Variants in MAP3K20 observed in about 807,000 individuals in gnomAD.
MAP3K20 encodes the protein HCCS-4.
In MAP3K20, 40 loss-of-function variants were observed where a neutral mutation model predicts 85.7. The observed-to-expected ratio is 0.47, with a 90% CI of 0.36 to 0.61. MAP3K20 has a LOEUF of 0.61. Among genes scored for constraint, MAP3K20 ranks in the 20% least tolerant of loss-of-function variants. The probability of loss-of-function intolerance (pLI) is 0.00; values close to 1 mark genes in which losing one functional copy is unlikely to be tolerated. For missense variants in MAP3K20, 817 were observed against 961.7 expected (o/e 0.85, Z 1.99); for synonymous variants, 325 against 327.7 (o/e 0.99, Z 0.09).
intron 3 of MAP3K20, 147 bp downstream of exon 3, chr2:173,170,039 C>A: frequency 1.4e-6 from 1 of 699,204 alleles, no homozygotes; most frequent in South Asian, 1.7e-5. Flanking sequence ...ATTAATAAAA[C>A]TGATTATATC....
chr2:173,076,151 C>T (rs1686849570), intron 1 of MAP3K20, 149 bp downstream of exon 1: 8 of 512,130 alleles, frequency 1.6e-5, no homozygotes, highest in Middle Eastern at 1.0e-3. Context: ...GCTCCCCTCC[C>T]CGACCCAGGG....
chr2:173,242,837 GC>G (rs763456681), intron 16 of MAP3K20, among the ~76,000 whole-genome samples: 103 of 150,768 alleles, frequency 6.8e-4, no homozygotes, highest in Middle Eastern at 6.8e-3. Flanking sequence ...CTCCTGAGTA[GC>G]TGGGATTATA....
intron 2 of MAP3K20, among the ~76,000 whole-genome samples, chr2:173,110,223 ATATATATATATATATATATTTTTTTTT>A (rs1246418089): frequency 0.012 from 108 of 9,280 alleles, 1 homozygote; most frequent in African/African-American, 0.037. Flanking sequence ...ATATATATAT[ATATATATATATATATATATTTTTTTTT>A]TTTTTTTTTT....
intron 11 of MAP3K20, chr2:173,221,083 CT>C: frequency 7.3e-7 from 1 of 1,364,950 alleles, no homozygotes; most frequent in Non-Finnish European, 9.6e-7. Context: ...TTTGTGGTAT[CT>C]ATTTTCCTGA....
rs750011947 is a variant in MAP3K20, at chr2:173,169,819, T to C, written c.174T>C (p.Ser58=). Residue 58 remains serine (S), a synonymous_variant, in exon 3 of 20, where the codon AGT becomes AGC. Transcript: ENST00000375213. The part of the protein sequence containing the change: ...LKIEKEAEIL[S]VLSHRNIIQF... ...TTTTTGTACAGGCAGAAATACTCAG[T>C]GTCCTCAGTCACAGAAACATCATCC... The C allele has an allele frequency of 5.0e-6, 8 of 1,613,680 alleles. No individual in the cohort carries two copies. Among genetic ancestry groups the C allele is most frequent in the South Asian group, 1.1e-5 (1 of 90,932 alleles).
intron 1 of MAP3K20, among the ~76,000 whole-genome samples, chr2:173,078,619 G>A (rs1211048388): frequency 1.3e-5 from 2 of 152,172 alleles, no homozygotes; most frequent in Admixed American, 1.3e-4. Context: ...CCTAATAGCT[G>A]TTAAGTAATC....
intron 2 of MAP3K20, among the ~76,000 whole-genome samples, chr2:173,131,625 T>C (rs1391433424): frequency 6.6e-6 from 1 of 152,168 alleles, no homozygotes; most frequent in African/African-American, 2.4e-5. Context: ...TGTGGTATAT[T>C]AGATATTTGC....
intron 2 of MAP3K20, among the ~76,000 whole-genome samples, chr2:173,154,910 A>G (rs942202289): frequency 6.6e-6 from 1 of 152,342 alleles, no homozygotes; most frequent in Non-Finnish European, 1.5e-5. Flanking sequence ...TAGGGTGCCA[A>G]TAGAAAGTGA....
intron 2 of MAP3K20, among the ~76,000 whole-genome samples, chr2:173,137,028 C>T (rs539521691): frequency 5.9e-5 from 9 of 152,214 alleles, no homozygotes; most frequent in Non-Finnish European, 1.2e-4. Context: ...GGGAGAGTAG[C>T]GATGAAAATT....
chr2:173,220,707 C>T (rs1684220995), intron 11 of MAP3K20, among the ~76,000 whole-genome samples: 1 of 152,138 alleles, frequency 6.6e-6, no homozygotes, highest in South Asian at 2.1e-4. Flanking sequence ...TTCCTCTAAG[C>T]TTTTCTTTTG....
At chr2:173,149,515 T>TA (rs11404639) in intron 2 of MAP3K20, among the ~76,000 whole-genome samples, 22,788 of 151,676 alleles carry the variant, frequency 0.15, 2,513 homozygotes, top group African/African-American at 0.31. Context: ...TATTTTTTTT[T>TA]AAAAAAAACC....
intron 2 of MAP3K20, among the ~76,000 whole-genome samples, chr2:173,127,449 A>G (rs1203891037): frequency 6.6e-6 from 1 of 152,234 alleles, no homozygotes; most frequent in Non-Finnish European, 1.5e-5. Context: ...AATTAGCAGT[A>G]TCTTTCAAAT....
intron 16 of MAP3K20, among the ~76,000 whole-genome samples, chr2:173,250,296 G>A (rs962577372): frequency 2.6e-5 from 4 of 152,212 alleles, no homozygotes; most frequent in African/African-American, 9.7e-5. Flanking sequence ...TTTCAGCACA[G>A]TTGTGGGGAC....
chr2:173,220,012 G>A (rs999477796), intron 11 of MAP3K20, among the ~76,000 whole-genome samples: 16 of 145,860 alleles, frequency 1.1e-4, no homozygotes, highest in African/African-American at 2.6e-5. Flanking sequence ...AGGTTGCAGT[G>A]AGCTGAGATA....
chr2:173,129,201 C>G (rs183994503), intron 2 of MAP3K20, among the ~76,000 whole-genome samples: 2 of 152,096 alleles, frequency 1.3e-5, no homozygotes, highest in Admixed American at 1.3e-4. Context: ...TGCTGGTGAG[C>G]CACCGCGCCC....
chr2:173,085,097 A>G (rs1017027220), intron 1 of MAP3K20, among the ~76,000 whole-genome samples: 2 of 152,248 alleles, frequency 1.3e-5, no homozygotes, highest in African/African-American at 4.8e-5. Context: ...TTATTTATGC[A>G]TCTGGAAATG....
intron 2 of MAP3K20, among the ~76,000 whole-genome samples, chr2:173,156,115 G>A (rs1017312250): frequency 2.6e-5 from 4 of 152,186 alleles, no homozygotes; most frequent in Non-Finnish European, 5.9e-5. Context: ...GTTACACTGG[G>A]ACCACCACAC....
At chr2:173,134,428 A>ATATAT (rs56330241) in intron 2 of MAP3K20, among the ~76,000 whole-genome samples, 1 of 3,154 alleles carries the variant, frequency 3.2e-4, no homozygotes, top group African/African-American at 1.0e-3. Flanking sequence ...ATATATATAT[A>ATATAT]TTTTTTTTTT....
chr2:173,229,524 AC>A lies in MAP3K20; in HGVS notation c.988-164del, dbSNP rs529935649. ...GGTGAACATTACTGGAGCACTGAGA[AC>A]TGCCTCTTAAGGTCAGGAAAACTGT... On this transcript the variant is annotated intron_variant, in intron 11 of 19. Transcript: ENST00000375213. Among the ~76,000 whole-genome samples, 196 of 152,318 alleles carry A rather than the reference AC, an allele frequency of 1.3e-3. 2 individuals are homozygous for A. Among genetic ancestry groups the A allele is most frequent in the African/African-American group, 4.5e-3 (186 of 41,560 alleles).
Sources: allele counts gnomAD v4.1 joint callset (sites outside exome capture counted in the v4.1 genomes callset), GRCh38; gene constraint gnomAD v4.1.1; transcripts MANE v1.5; gene names NCBI Gene and HGNC (gene_info 2026-07-23, HGNC 2026-07-21).